Variants in ADAP2 observed in about 807,000 individuals in gnomAD.
ADAP2 encodes the protein ArfGAP with dual PH domains 2.
ADAP2 carries 42 observed loss-of-function variants against 54.9 expected under a neutral mutation model. The observed-to-expected ratio is 0.77, with a 90% confidence interval of 0.60 to 0.99. The LOEUF (loss-of-function observed/expected upper bound fraction) is 0.99, where lower values mean the gene tolerates loss of function less well. ADAP2 is among the 50% of genes least tolerant of loss of function. The pLI, the probability that ADAP2 is intolerant of heterozygous loss-of-function variation, is 0.00. For synonymous variants in ADAP2, 177 were observed against 180.1 expected (o/e 0.98, Z 0.14); for missense variants, 429 against 480.4 (o/e 0.89, Z 1.00).
chr17:30,929,674 G>C (rs576636082), intron 3 of ADAP2, among the ~76,000 whole-genome samples: 5 of 152,132 alleles, frequency 3.3e-5, no homozygotes, highest in African/African-American at 1.2e-4. Flanking sequence ...CACTAGGAAT[G>C]ACTCTCTCTC....
chr17:30,930,943 CTAAG>C (rs1480140052), intron 3 of ADAP2, among the ~76,000 whole-genome samples: 2 of 152,170 alleles, frequency 1.3e-5, no homozygotes, highest in Non-Finnish European at 2.9e-5. Flanking sequence ...ACCCTGAGGG[CTAAG>C]TGAGTATAAC....
At position 30,956,259 on chromosome 17, in the gene ADAP2, C is replaced by G; in HGVS notation, c.901C>G (p.Gln301Glu). 6.2e-7 allele frequency: 1 copy of G among 1,614,138 alleles called. No homozygotes were observed. The highest frequency in any genetic ancestry group is 8.5e-7 in the Non-Finnish European group (1 of 1,180,030). The change falls in exon 10 of 11, where the codon CAG (glutamine) becomes GAG (glutamate). Residue 301 changes from glutamine to glutamate, a missense_variant. Gln to Glu is a conservative substitution (Grantham distance 29). Coordinates refer to ENST00000330889, the MANE Select transcript of ADAP2 (RefSeq NM_018404.3). ...KNPLDAFEQG[Q>E]VFLGNKEQGY... ...TTTTCAGGATGCCTTCGAGCAGGGC[C>G]AGGTTTTTCTTGGGAACAAGGAGCA...
At chr17:30,954,290 A>G (rs949263835) in intron 8 of ADAP2, 188 bp from the exon 9 acceptor site, 3 of 589,780 alleles carry the variant, frequency 5.1e-6, no homozygotes, top group Non-Finnish European at 9.3e-6. Context: ...GGGAATGGGC[A>G]GAACCTTCAG....
intron 9 of ADAP2, among the ~76,000 whole-genome samples, chr17:30,954,852 G>A (rs1222011615): frequency 1.3e-5 from 2 of 152,106 alleles, no homozygotes; most frequent in East Asian, 1.9e-4. Flanking sequence ...CCAAGAGGCC[G>A]TGATGTGTAG....
chr17:30,944,842 G>A, intron 5 of ADAP2, 65 bp from the exon 6 acceptor site: 1 of 1,526,956 alleles, frequency 6.5e-7, no homozygotes, highest in Non-Finnish European at 8.9e-7. Context: ...GAAGGCCTTG[G>A]TGAAGGTTGA....
chr17:30,954,478 C>G lies in ADAP2; in HGVS notation c.805C>G (p.Gln269Glu), dbSNP rs781321318. ...QGFMEKTGPKQKEPFKKRWFA... is the reference protein window; with the variant it reads ...QGFMEKTGPKEKEPFKKRWFA... ...TGGTAAGAAGTTCCCTCTTTTGCAG[C>G]AGAAAGAACCTTTCAAGAAAAGGTG... The change falls in exon 9 of 11, where the codon CAG (glutamine) becomes GAG (glutamate). Residue 269 changes from glutamine (Q) to glutamate (E), a missense_variant and splice_region_variant. By Grantham distance (29) the Gln-to-Glu change is conservative. Coordinates refer to ENST00000330889, the MANE Select transcript of ADAP2 (RefSeq NM_018404.3). 63 of 1,613,824 alleles carry G rather than the reference C, an allele frequency of 3.9e-5. No homozygotes were observed. The highest frequency in any genetic ancestry group is 1.7e-6 in the Non-Finnish European group (2 of 1,179,868).
intron 10 of ADAP2, chr17:30,956,827 T>C: frequency 4.0e-6 from 1 of 250,358 alleles, no homozygotes; most frequent in Non-Finnish European, 7.9e-6. Flanking sequence ...AACGCTGGCC[T>C]GTTATTATTA....
chr17:30,956,392 G>C lies in ADAP2; in HGVS notation c.1034G>C (p.Ser345Thr). The C allele has an allele frequency of 6.2e-7, 1 of 1,614,228 alleles. No homozygotes were observed. The highest frequency in any genetic ancestry group is 8.5e-7 in the Non-Finnish European group (1 of 1,180,032). ...PERRFVLTCP[S>T]EKEQQEWLES... The stretch of plus-strand genomic sequence containing the variant: ...CGGAGATTTGTCCTCACTTGCCCCA[G>C]TGAGAAGGAACAGCAGGAATGGCTG... Residue 345 changes from serine to threonine, a missense_variant, in exon 10 of 11, where the codon AGT (serine) becomes ACT (threonine). By Grantham distance (58) the Ser-to-Thr change is moderately conservative. Transcript: ENST00000330889.
rs1484476611 is a variant in ADAP2 at position 30,922,060 on chromosome 17, C to G, written c.46C>G (p.Arg16Gly). The change falls in exon 1 of 11, where the codon CGG becomes GGG. Residue 16 changes from arginine (R) to glycine (G), a missense_variant. Coordinates refer to ENST00000330889, the MANE Select transcript of ADAP2 (RefSeq NM_018404.3). The part of the protein sequence containing the change: ...RNKKRLLELL[R>G]APDTGNAHCA... ...CAAGAAGCGGCTGCTGGAGCTGCTGCGGGCGCCGGACACAGGCAACGCGCA... is the reference window on the plus strand; with the variant it reads ...CAAGAAGCGGCTGCTGGAGCTGCTGGGGGCGCCGGACACAGGCAACGCGCA... The G allele has an allele frequency of 7.9e-7, 1 of 1,273,090 alleles. No homozygotes were observed. The highest frequency in any genetic ancestry group is 3.2e-5 in the East Asian group (1 of 31,554). The allele number at this position is 1,273,090 out of a possible 1,614,324, so 78.9% of individuals were successfully genotyped here.
intron 5 of ADAP2, among the ~76,000 whole-genome samples, chr17:30,943,301 G>T (rs1049073824): frequency 1.3e-4 from 20 of 151,864 alleles, no homozygotes; most frequent in Non-Finnish European, 2.5e-4. Context: ...GGAGGTGGAG[G>T]TTGCAGTGAG....
At chr17:30,929,797 A>G (rs1489304973) in intron 3 of ADAP2, among the ~76,000 whole-genome samples, 4 of 152,220 alleles carry the variant, frequency 2.6e-5, no homozygotes, top group Non-Finnish European at 5.9e-5. Context: ...CCTCGGCTCA[A>G]GTGATCCTCC....
At chr17:30,948,511 A>G (rs1014398573) in intron 6 of ADAP2, among the ~76,000 whole-genome samples, 2 of 152,166 alleles carry the variant, frequency 1.3e-5, no homozygotes, top group Non-Finnish European at 2.9e-5. Flanking sequence ...CGGAGGTTGC[A>G]GTGAGCCAAG....
At chr17:30,939,771 CAAAAAAAAAA>C (rs1334968924) in intron 5 of ADAP2, among the ~76,000 whole-genome samples, 2 of 55,926 alleles carry the variant, frequency 3.6e-5, no homozygotes, top group East Asian at 1.1e-3. Flanking sequence ...ATTCCATTTC[CAAAAAAAAAA>C]AAAAAAAAGG....
At chr17:30,930,965 G>A (rs998470796) in intron 3 of ADAP2, among the ~76,000 whole-genome samples, 4 of 152,134 alleles carry the variant, frequency 2.6e-5, no homozygotes, top group Non-Finnish European at 4.4e-5. Flanking sequence ...AACAATAGAG[G>A]TCTATTCCCC....
At position 30,934,269 on chromosome 17, in the gene ADAP2, G is replaced by T. The variant is rs776098038; in HGVS notation, c.482G>T (p.Gly161Val). Residue 161 changes from glycine (G) to valine (V), a missense_variant, in exon 5 of 11, where the codon GGC (glycine) becomes GTC (valine). By Grantham distance (109) the Gly-to-Val change is moderately radical. Transcript: ENST00000330889. Reference sequence around the variant, plus strand: ...AAGTTTGTACTTCTGGCAAGAGAAGGCCTCCTGAAGTACTTCACAAAGGAA... The same window carrying T: ...AAGTTTGTACTTCTGGCAAGAGAAGTCCTCCTGAAGTACTTCACAAAGGAA... ...RRKFVLLARE[G>V]LLKYFTKEQG... is the part of the protein sequence containing the mutation. The T allele has an allele frequency of 3.3e-5, 53 of 1,613,806 alleles. No homozygotes were observed. The highest frequency in any genetic ancestry group is 3.4e-5 in the Non-Finnish European group (40 of 1,179,850).
At chr17:30,943,980 C>T (rs1053957881) in intron 5 of ADAP2, among the ~76,000 whole-genome samples, 1 of 151,976 alleles carries the variant, frequency 6.6e-6, no homozygotes, top group Non-Finnish European at 1.5e-5. Flanking sequence ...CACCTGAGGT[C>T]AGGAGTTTGA....
intron 5 of ADAP2, among the ~76,000 whole-genome samples, chr17:30,939,689 CGA>C (rs1444924024): frequency 2.0e-5 from 3 of 150,294 alleles, no homozygotes; most frequent in Non-Finnish European, 3.0e-5. Flanking sequence ...GAGAATGGCC[CGA>C]ACCTGGGAGG....
At chr17:30,928,321 C>T (rs1348724440) in intron 3 of ADAP2, among the ~76,000 whole-genome samples, 1 of 151,030 alleles carries the variant, frequency 6.6e-6, no homozygotes. Context: ...CATAGTGAAA[C>T]CCCGTCTCTA....
intron 7 of ADAP2, among the ~76,000 whole-genome samples, chr17:30,950,640 A>T (rs149932194): frequency 9.1e-4 from 138 of 152,310 alleles, no homozygotes; most frequent in African/African-American, 3.0e-3. Flanking sequence ...GAAAGCCTAA[A>T]TGCTCCTTAA....
Sources: allele counts gnomAD v4.1 joint callset (sites outside exome capture counted in the v4.1 genomes callset), GRCh38; gene constraint gnomAD v4.1.1; transcripts MANE v1.5; gene names NCBI Gene and HGNC (gene_info 2026-07-23, HGNC 2026-07-21).